RUNX1: variants seen among roughly 807,000 people sequenced by gnomAD.
The protein encoded by RUNX1 is RUNX family transcription factor 1.
Under a neutral mutation model 42.8 loss-of-function variants are expected in RUNX1, and 19 were observed. That is an observed-to-expected ratio of 0.44 (90% CI 0.31 to 0.65). The LOEUF (loss-of-function observed/expected upper bound fraction) is 0.65. Ranked by LOEUF, RUNX1 falls within the 30% of genes least tolerant of loss-of-function variation. RUNX1 has a pLI of 0.07. For synonymous variants in RUNX1, 271 were observed against 289.4 expected, an observed-to-expected ratio of 0.94 and a Z score of 0.64; for missense variants, 528 against 672.0, an observed-to-expected ratio of 0.79 and a Z score of 2.37.
intron 2 of RUNX1, among the ~76,000 whole-genome samples, chr21:34,972,220 C>T (rs555027758): frequency 3.4e-4 from 52 of 152,270 alleles, no homozygotes; most frequent in African/African-American, 1.3e-3. Context: ...CCAACATTGA[C>T]CACTGGGGGC....
In RUNX1 at chr21:34,993,496, C is replaced by CACACACACA. The variant is rs1160336189; in HGVS notation, c.58+55345_58+55346insTGTGTGTGT. On this transcript the variant is annotated intron_variant, in intron 2 of 8. Coordinates refer to ENST00000675419, the MANE Select transcript of RUNX1 (RefSeq NM_001754.5). ...AGAGGACAATGTCTGTTTGTTTGTC[C>CACACACACA]CTACACACACACACACACACACACA... 1.3e-3 allele frequency among the ~76,000 whole-genome samples: 158 copies of CACACACACA among 120,386 alleles called. 2 individuals are homozygous for CACACACACA. The highest frequency in any genetic ancestry group is 5.8e-3 in the African/African-American group (152 of 26,170). 79.0% of individuals were successfully genotyped at this position (120,386 alleles called of 152,430 possible).
chr21:34,886,455 T>C (rs1349733067), intron 4 of RUNX1, among the ~76,000 whole-genome samples: 2 of 152,150 alleles, frequency 1.3e-5, no homozygotes, highest in African/African-American at 2.4e-5. Flanking sequence ...GAAGACAAAA[T>C]GGTTTGGGTG....
At chr21:34,838,621 C>T (rs1205630058) in intron 6 of RUNX1, among the ~76,000 whole-genome samples, 1 of 152,162 alleles carries the variant, frequency 6.6e-6, no homozygotes, top group Non-Finnish European at 1.5e-5. Context: ...CTACATGAAT[C>T]TGGATATAAA....
In RUNX1 at chr21:34,931,566, G is replaced by A. The variant is rs765759032; in HGVS notation, c.59-38603C>T. Among the ~76,000 whole-genome samples, 8 of 117,534 alleles carry A rather than the reference G, an allele frequency of 6.8e-5. 1 individual carries two copies. Among genetic ancestry groups the A allele is most frequent in the African/African-American group, 2.2e-4 (4 of 18,104 alleles). 77.1% of individuals were successfully genotyped at this position (117,534 alleles called of 152,430 possible). A position where few individuals can be genotyped will look rare whatever the true frequency, so the allele number is the denominator to read the frequency against. On this transcript the variant is annotated intron_variant, in intron 2 of 8. Transcript: ENST00000675419. The stretch of plus-strand genomic sequence containing the variant: ...ATTATATTTTATATGTATATAACGT[G>A]ATATATGCGCCTAAATAGACTGTGG...
intron 2 of RUNX1, among the ~76,000 whole-genome samples, chr21:34,959,089 T>C (rs2058665709): frequency 6.6e-6 from 1 of 151,554 alleles, no homozygotes; most frequent in East Asian, 1.9e-4. Flanking sequence ...TTAGGAGATA[T>C]ACCTAATGCT....
intron 4 of RUNX1, among the ~76,000 whole-genome samples, chr21:34,881,388 T>C (rs531784460): frequency 9.2e-5 from 14 of 152,342 alleles, no homozygotes; most frequent in Admixed American, 2.0e-4. Context: ...TGATACCTCC[T>C]ACTCATCGCT....
At chr21:34,827,859 G>A (rs142513894) in intron 7 of RUNX1, among the ~76,000 whole-genome samples, 3 of 152,368 alleles carry the variant, frequency 2.0e-5, no homozygotes, top group African/African-American at 7.2e-5. Flanking sequence ...TACGAAGGAT[G>A]CCACAGACTG....
intron 5 of RUNX1, among the ~76,000 whole-genome samples, chr21:34,878,694 C>T (rs2057852403): frequency 1.3e-5 from 2 of 152,126 alleles, no homozygotes; most frequent in South Asian, 4.2e-4. Flanking sequence ...TCACTGTTAC[C>T]CAAGTAAACA....
chr21:34,968,393 C>T (rs927017658), intron 2 of RUNX1, among the ~76,000 whole-genome samples: 4 of 152,070 alleles, frequency 2.6e-5, no homozygotes, highest in South Asian at 2.1e-4. Flanking sequence ...CAAGACCCTC[C>T]GAAAGCGGTG....
intron 2 of RUNX1, among the ~76,000 whole-genome samples, chr21:34,930,036 TTCTC>T (rs2058427615): frequency 6.6e-6 from 1 of 151,124 alleles, no homozygotes; most frequent in African/African-American, 2.4e-5. Context: ...AATAAATTCT[TTCTC>T]TCTCTCCATA....
chr21:35,036,458 T>C (rs1040031150), intron 2 of RUNX1, among the ~76,000 whole-genome samples: 2 of 152,138 alleles, frequency 1.3e-5, no homozygotes, highest in Non-Finnish European at 2.9e-5. Context: ...TATGATTGCA[T>C]CCTTCAGCAT....
At chr21:34,888,698 G>C in intron 3 of RUNX1, 1 of 1,036,858 alleles carries the variant, frequency 9.6e-7, no homozygotes, top group Non-Finnish European at 1.2e-6. Flanking sequence ...ATGAATGAGA[G>C]TGCCTGGAAA....
At chr21:34,864,747 G>A (rs2057632211) in intron 5 of RUNX1, among the ~76,000 whole-genome samples, 1 of 152,200 alleles carries the variant, frequency 6.6e-6, no homozygotes, top group South Asian at 2.1e-4. Context: ...TTCCAGCCAG[G>A]GCTTGGGTTC....
Position 34,907,454 on chromosome 21 carries a change from C to CTT in RUNX1, c.59-14493_59-14492dup, listed in dbSNP as rs201647336. ...AGGGTGAATACTGCTTCCTGAAGCT[C>CTT]TTTTTTTGATTGATGTATCTCCCCT... On this transcript the variant is annotated intron_variant, in intron 2 of 8. Transcript: ENST00000675419. The surrounding 1 kb of genome is among the most constrained non-coding windows in gnomAD (Gnocchi z 5.3). 6.6e-6 allele frequency among the ~76,000 whole-genome samples: 1 copy of CTT among 152,058 alleles called. No homozygotes were observed. Among genetic ancestry groups the CTT allele is most frequent in the African/African-American group, 2.4e-5 (1 of 41,394 alleles).
At chr21:34,819,304 C>T (rs1287617167) in intron 7 of RUNX1, among the ~76,000 whole-genome samples, 2 of 152,166 alleles carry the variant, frequency 1.3e-5, no homozygotes, top group African/African-American at 4.8e-5. Context: ...CTCGAGCCCC[C>T]GGGAGTGTGG....
rs1236657612 is a variant in RUNX1 at position 34,791,923 on chromosome 21, G to T, written c.*212C>A. The T allele has an allele frequency of 1.9e-5, 6 of 319,220 alleles. No individual in the cohort carries two copies. Among genetic ancestry groups the T allele is most frequent in the Non-Finnish European group, 3.5e-5 (6 of 169,146 alleles). 19.8% of individuals were successfully genotyped at this position (319,220 alleles called of 1,614,324 possible). A position where few individuals can be genotyped will look rare whatever the true frequency, so the allele number is the denominator to read the frequency against. On this transcript the variant is annotated 3_prime_UTR_variant, in exon 9 of 9. Transcript: ENST00000675419. ...CGGACACCTCCGCGAGGGCCGGGGC[G>T]CCAGCAGACGGCGGCGGCGTGGGCT...
At chr21:35,025,669 G>A (rs2059230258) in intron 2 of RUNX1, among the ~76,000 whole-genome samples, 1 of 152,126 alleles carries the variant, frequency 6.6e-6, no homozygotes, top group African/African-American at 2.4e-5. Flanking sequence ...GCCTTCAGCA[G>A]GAGAACATGA....
chr21:34,921,306 C>A (rs754119159), intron 2 of RUNX1, among the ~76,000 whole-genome samples: 7 of 152,174 alleles, frequency 4.6e-5, no homozygotes, highest in Non-Finnish European at 1.0e-4. Context: ...GTTTCCCCCT[C>A]CCCCACAGCC....
chr21:35,011,068 A>G (rs2059123139), intron 2 of RUNX1, among the ~76,000 whole-genome samples: 1 of 152,330 alleles, frequency 6.6e-6, no homozygotes, highest in African/African-American at 2.4e-5. Context: ...TTTTGTTTCC[A>G]GAGTCGATTT....
Sources: gnomAD v4.1 joint callset for allele counts (sites outside exome capture counted in the v4.1 genomes callset) on GRCh38, gnomAD v4.1.1 for gene constraint, Gnocchi (gnomAD v3.1) non-coding constraint, MANE v1.5 for transcripts, NCBI Gene and HGNC (gene_info 2026-07-23, HGNC 2026-07-21) for gene names.